Variants in TPRG1 observed in about 807,000 individuals in gnomAD.
The protein encoded by TPRG1 is tumor protein p63 regulated 1, also known as tumor protein p63-regulated gene 1 protein.
Under a neutral mutation model 29.3 loss-of-function variants are expected in TPRG1, and 29 were observed. That is an observed-to-expected ratio of 0.99 (90% CI 0.74 to 1.35). The LOEUF (loss-of-function observed/expected upper bound fraction) is 1.35, where lower values mean the gene tolerates loss of function less well. TPRG1 is among the 40% of genes most tolerant of loss of function. TPRG1 has a pLI of 0.00. For missense variants in TPRG1, 327 were observed against 335.0 expected (o/e 0.98, Z 0.19); for synonymous variants, 130 against 116.8 (o/e 1.11, Z -0.73).
At chr3:189,178,643 G>T (rs896504225) in intron 1 of TPRG1, among the ~76,000 whole-genome samples, 4 of 152,062 alleles carry the variant, frequency 2.6e-5, no homozygotes, top group African/African-American at 9.7e-5. Context: ...CATTTTTTCA[G>T]GCTCCAGGGG....
At chr3:189,196,592 G>A (rs554588575) in intron 1 of TPRG1, among the ~76,000 whole-genome samples, 16 of 151,988 alleles carry the variant, frequency 1.1e-4, no homozygotes, top group African/African-American at 3.4e-4. Context: ...TCACTATCAC[G>A]AGAACAGCAT....
rs114183801 is a variant in TPRG1, at chr3:189,005,254, G to A, written c.-660+494G>A. Among the ~76,000 whole-genome samples, 510 of 152,206 alleles carry A rather than the reference G, an allele frequency of 3.4e-3. 2 individuals carry two copies. The highest frequency in any genetic ancestry group is 0.017 in the Middle Eastern group (5 of 294). On this transcript the variant is annotated intron_variant, in intron 3 of 10. Coordinates refer to the TPRG1 transcript ENST00000433971. The stretch of plus-strand genomic sequence containing the variant: ...TAAGCTGCTTGAACTCATAGAAAAT[G>A]TTTTTTGCTTCTTGTATCACCTCAG...
chr3:189,004,026 C>T (rs562124675), intron 2 of TPRG1, among the ~76,000 whole-genome samples: 4 of 152,192 alleles, frequency 2.6e-5, no homozygotes, highest in African/African-American at 9.6e-5. Flanking sequence ...TGAAAATAAA[C>T]ATTATAAGTG....
chr3:189,135,307 A>G (rs373780699), intron 3 of TPRG1, among the ~76,000 whole-genome samples: 8 of 152,300 alleles, frequency 5.3e-5, no homozygotes, highest in Admixed American at 6.5e-5. Flanking sequence ...CGTCAACATC[A>G]CTTGTGGATC....
At chr3:189,093,296 C>T (rs1333765726) in intron 4 of TPRG1, among the ~76,000 whole-genome samples, 1 of 152,060 alleles carries the variant, frequency 6.6e-6, no homozygotes, top group Non-Finnish European at 1.5e-5. Context: ...ATGTTTAGAC[C>T]TTCCTTAAAT....
chr3:189,066,390 G>T (rs556742422), intron 4 of TPRG1, among the ~76,000 whole-genome samples: 1 of 151,798 alleles, frequency 6.6e-6, no homozygotes, highest in South Asian at 2.1e-4. Flanking sequence ...GGCCAATATC[G>T]CTAATAAACA....
chr3:189,314,620 T>C (rs1242864289), intron 5 of TPRG1, among the ~76,000 whole-genome samples: 3 of 152,198 alleles, frequency 2.0e-5, no homozygotes, highest in East Asian at 3.8e-4. Flanking sequence ...ATAGTTTGTG[T>C]TACTCATATA....
At chr3:189,179,715 G>T (rs1362425757) in intron 1 of TPRG1, among the ~76,000 whole-genome samples, 1 of 152,160 alleles carries the variant, frequency 6.6e-6, no homozygotes, top group Non-Finnish European at 1.5e-5. Context: ...GCCCAGAGAA[G>T]TTTCCCCCAA....
chr3:189,026,519 T>C (rs1474382890), intron 4 of TPRG1, among the ~76,000 whole-genome samples: 2 of 152,176 alleles, frequency 1.3e-5, no homozygotes, highest in African/African-American at 4.8e-5. Flanking sequence ...ATACTAGCCC[T>C]GGTATTGGGG....
chr3:189,319,696 C>G (rs546914692), intron 5 of TPRG1, among the ~76,000 whole-genome samples: 1 of 152,182 alleles, frequency 6.6e-6, no homozygotes, highest in South Asian at 2.1e-4. Flanking sequence ...CACACAGTAG[C>G]TAGGATTATT....
intron 1 of TPRG1, among the ~76,000 whole-genome samples, chr3:189,201,800 G>C (rs1733539984): frequency 6.6e-6 from 1 of 152,006 alleles, no homozygotes; most frequent in Non-Finnish European, 1.5e-5. Flanking sequence ...ACAGGGGCCT[G>C]CCACCACGCC....
intron 3 of TPRG1, among the ~76,000 whole-genome samples, chr3:189,016,348 A>T (rs1712933007): frequency 6.6e-6 from 1 of 152,082 alleles, no homozygotes; most frequent in Non-Finnish European, 1.5e-5. Context: ...TTTTGGAAGT[A>T]ACTAAGTATG....
Position 189,183,444 on chromosome 3 carries a change from G to C in TPRG1, c.-10+11313G>C, listed in dbSNP as rs186329684. On this transcript the variant is annotated intron_variant, in intron 1 of 5. Transcript: ENST00000345063. ...CATTGATAACATCTTATCAGGAGAA[G>C]GGTTTTGAGAGCAACCAGTCTGACC... Among the ~76,000 whole-genome samples, 1,137 of 152,248 alleles carry C rather than the reference G, an allele frequency of 7.5e-3. 8 individuals carry two copies. The highest frequency in any genetic ancestry group is 0.012 in the Non-Finnish European group (838 of 68,006).
At chr3:189,319,943 C>T (rs1724112577) in intron 5 of TPRG1, among the ~76,000 whole-genome samples, 1 of 152,032 alleles carries the variant, frequency 6.6e-6, no homozygotes, top group African/African-American at 2.4e-5. Flanking sequence ...CTTCACGTAA[C>T]TAGCTCTTTT....
intron 5 of TPRG1, among the ~76,000 whole-genome samples, chr3:189,163,837 G>A (rs1182461815): frequency 6.6e-6 from 1 of 152,148 alleles, no homozygotes; most frequent in East Asian, 1.9e-4. Context: ...TACCCTCTTG[G>A]CTCTGCTTGT....
chr3:189,079,901 G>A (rs1717472338), intron 4 of TPRG1, among the ~76,000 whole-genome samples: 1 of 152,196 alleles, frequency 6.6e-6, no homozygotes, highest in South Asian at 2.1e-4. Context: ...TGCTTCACTT[G>A]TTTGTGGATG....
At chr3:189,215,881 G>A (rs1027794690) in intron 3 of TPRG1, among the ~76,000 whole-genome samples, 10 of 152,130 alleles carry the variant, frequency 6.6e-5, no homozygotes, top group African/African-American at 2.4e-4. Flanking sequence ...CATTTCCAGA[G>A]TTAGGATAAA....
At chr3:189,094,302 C>T (rs1446351891) in intron 4 of TPRG1, among the ~76,000 whole-genome samples, 2 of 152,124 alleles carry the variant, frequency 1.3e-5, no homozygotes, top group Non-Finnish European at 2.9e-5. Flanking sequence ...GGCAACGTTG[C>T]CCCTGGATCT....
chr3:189,267,565 A>G (rs574327816), intron 4 of TPRG1: 13 of 152,312 alleles, frequency 8.5e-5, no homozygotes, highest in African/African-American at 2.4e-4. Context: ...TTTGGTAGAG[A>G]GTTATAAAGT....
Sources: allele counts gnomAD v4.1 joint callset (sites outside exome capture counted in the v4.1 genomes callset), GRCh38; gene constraint gnomAD v4.1.1; transcripts MANE v1.5; gene names NCBI Gene and HGNC (gene_info 2026-07-23, HGNC 2026-07-21).